The following DPEP1 variants were observed in gnomAD, a reference collection of about 807,000 sequenced individuals.
DPEP1 encodes the protein dipeptidase 1, also known as beta-lactamase.
Under a neutral mutation model 42.3 loss-of-function variants are expected in DPEP1, and 50 were observed. The observed-to-expected ratio is 1.18, with a 90% CI of 0.94 to 1.50. The LOEUF is 1.50. Ranked by LOEUF, DPEP1 falls within the 40% of genes most tolerant of loss-of-function variation. DPEP1 has a pLI of 0.00. For synonymous variants in DPEP1, 297 were observed against 234.0 expected (o/e 1.27, Z -2.46); for missense variants, 663 against 553.0 (o/e 1.20, Z -1.99).
intron 1 of DPEP1, among the ~76,000 whole-genome samples, chr16:89,628,704 A>G (rs2059548000): frequency 6.6e-6 from 1 of 152,152 alleles, no homozygotes; most frequent in Non-Finnish European, 1.5e-5. Context: ...CAAGCAGAAC[A>G]TGGATGTTCT....
downstream of DPEP1, among the ~76,000 whole-genome samples, chr16:89,638,914 C>A (rs1411376578): frequency 2.5e-5 from 2 of 78,468 alleles, no homozygotes; most frequent in African/African-American, 1.1e-4. Flanking sequence ...CACACACACA[C>A]ACCGCACCCC....
At chr16:89,616,786 G>A (rs1031770570) in intron 1 of DPEP1, 1 of 277,390 alleles carries the variant, frequency 3.6e-6, no homozygotes, top group Non-Finnish European at 7.1e-6. Context: ...GAAGCAGGCA[G>A]GAAGTGGGCA....
intron 2 of DPEP1, 48 bp from the exon 3 acceptor site, chr16:89,635,860 G>T (rs1357462310): frequency 6.5e-7 from 1 of 1,549,646 alleles, no homozygotes; most frequent in Non-Finnish European, 8.7e-7. Flanking sequence ...AAGCCCCCAG[G>T]TCCCAGTGGC....
chr16:89,639,995 G>A (rs565670001), downstream of DPEP1, among the ~76,000 whole-genome samples: 14 of 152,322 alleles, frequency 9.2e-5, no homozygotes, highest in South Asian at 2.9e-3. Flanking sequence ...TGGTAAATGG[G>A]GAGGCAGGGT....
intron 1 of DPEP1, chr16:89,616,879 C>T (rs972971926): frequency 8.7e-6 from 2 of 229,834 alleles, no homozygotes; most frequent in Middle Eastern, 1.9e-3. Context: ...GGGCAGGAAG[C>T]GGCCGGGAAG....
At chr16:89,635,499 G>T (rs1226419296) in intron 2 of DPEP1, among the ~76,000 whole-genome samples, 1 of 152,178 alleles carries the variant, frequency 6.6e-6, no homozygotes, top group East Asian at 1.9e-4. Context: ...GAGGCAATTT[G>T]ATCTTTAAAC....
At chr16:89,641,261 G>C (rs945567085), downstream of DPEP1, among the ~76,000 whole-genome samples, 4 of 152,104 alleles carry the variant, frequency 2.6e-5, no homozygotes, top group Non-Finnish European at 5.9e-5. Context: ...ACAAGAGATG[G>C]TGGAGCAGAG....
chr16:89,636,580 G>T lies in DPEP1; in HGVS notation c.418G>T (p.Val140Leu), dbSNP rs769595330. 2.7e-5 allele frequency: 44 copies of T among 1,612,366 alleles called. No individual in the cohort carries two copies. The highest frequency in any genetic ancestry group is 3.6e-5 in the Non-Finnish European group (42 of 1,179,866). Residue 140 changes from valine (V) to leucine (L), a missense_variant, in exon 5 of 11, where the codon GTG becomes TTG. Physicochemically the swap from Val to Leu is conservative, Grantham distance 32. Transcript: ENST00000690203. ...AGGGAAGGTGGCCAGCCTGATCGGCGTGGAGGGCGGCCACTCCATTGACAG... is the reference window on the plus strand; with the variant it reads ...AGGGAAGGTGGCCAGCCTGATCGGCTTGGAGGGCGGCCACTCCATTGACAG... ...REGKVASLIG[V>L]EGGHSIDSSL...
At chr16:89,625,681 G>C (rs1425973579) in intron 1 of DPEP1, among the ~76,000 whole-genome samples, 1 of 152,140 alleles carries the variant, frequency 6.6e-6, no homozygotes, top group Non-Finnish European at 1.5e-5. Context: ...GGAGAAGAAA[G>C]GCAACTGGAA....
At chr16:89,634,152 G>A (rs1205530879) in intron 2 of DPEP1, among the ~76,000 whole-genome samples, 3 of 141,404 alleles carry the variant, frequency 2.1e-5, no homozygotes, top group South Asian at 2.2e-4. Flanking sequence ...GCAGTGGTGC[G>A]ATCTCGGCTC....
intron 1 of DPEP1, among the ~76,000 whole-genome samples, chr16:89,628,644 G>A (rs2059547434): frequency 6.6e-6 from 1 of 152,052 alleles, no homozygotes; most frequent in Admixed American, 6.6e-5. Context: ...GAGGGAGTGT[G>A]GTGCTCTTGG....
intron 2 of DPEP1, among the ~76,000 whole-genome samples, chr16:89,631,298 G>A (rs912558269): frequency 1.2e-4 from 18 of 152,000 alleles, no homozygotes; most frequent in African/African-American, 4.3e-4. Context: ...TCCTCAGGGC[G>A]GAGATCCCCA....
intron 1 of DPEP1, among the ~76,000 whole-genome samples, chr16:89,628,027 A>G (rs2059538879): frequency 6.6e-6 from 1 of 151,784 alleles, no homozygotes; most frequent in African/African-American, 2.4e-5. Flanking sequence ...GGTTCATGCC[A>G]TTCTCCTGCC....
At chr16:89,625,361 C>A (rs12930346) in intron 1 of DPEP1, among the ~76,000 whole-genome samples, 5 of 152,058 alleles carry the variant, frequency 3.3e-5, no homozygotes, top group Admixed American at 6.6e-5. Flanking sequence ...TCGTTTTAAC[C>A]GTCAGTTCTC....
intron 1 of DPEP1, among the ~76,000 whole-genome samples, chr16:89,616,472 G>A (rs1295954671): frequency 6.6e-6 from 1 of 152,168 alleles, no homozygotes; most frequent in Non-Finnish European, 1.5e-5. Flanking sequence ...GGGTCGCCAG[G>A]AGGCATCTGC....
downstream of DPEP1, among the ~76,000 whole-genome samples, chr16:89,641,411 G>A (rs1022313262): frequency 3.9e-5 from 6 of 152,312 alleles, no homozygotes; most frequent in South Asian, 1.0e-3. Context: ...GGGGGCTCAC[G>A]CTCATCTTGT....
chr16:89,639,037 A>C (rs956525356), downstream of DPEP1, among the ~76,000 whole-genome samples: 25 of 12,094 alleles, frequency 2.1e-3, no homozygotes, highest in Admixed American at 4.5e-3. Flanking sequence ...CACACCCCCC[A>C]CCCCTGCACG....
At chr16:89,614,589 T>C (rs1223732598) in intron 1 of DPEP1, among the ~76,000 whole-genome samples, 3 of 152,020 alleles carry the variant, frequency 2.0e-5, no homozygotes, top group Non-Finnish European at 4.4e-5. Context: ...GGTCAGGAGA[T>C]CGAGACCATC....
intron 2 of DPEP1, among the ~76,000 whole-genome samples, chr16:89,632,333 G>A (rs942357043): frequency 2.6e-5 from 4 of 152,168 alleles, no homozygotes; most frequent in African/African-American, 7.2e-5. Flanking sequence ...GATTCCAGGC[G>A]TGAGCCACCG....
Sources: gnomAD v4.1 joint callset for allele counts (sites outside exome capture counted in the v4.1 genomes callset) on GRCh38, gnomAD v4.1.1 for gene constraint, MANE v1.5 for transcripts, NCBI Gene and HGNC (gene_info 2026-07-23, HGNC 2026-07-21) for gene names.